The following INPP5A variants were observed in gnomAD, a reference collection of about 807,000 sequenced individuals.
INPP5A encodes inositol polyphosphate-5-phosphatase A.
INPP5A carries 14 observed loss-of-function variants against 65.2 expected under a neutral mutation model. The ratio of observed to expected loss-of-function variants is 0.21; its 90% CI spans 0.14 to 0.34. INPP5A has a LOEUF of 0.34. Among genes scored for constraint, INPP5A ranks in the 10% least tolerant of loss-of-function variants. The pLI is 1.00. For synonymous variants in INPP5A, 207 were observed against 208.3 expected, an observed-to-expected ratio of 0.99 and a Z score of 0.05; for missense variants, 431 against 545.6, an observed-to-expected ratio of 0.79 and a Z score of 2.09.
intron 12 of INPP5A, among the ~76,000 whole-genome samples, chr10:132,775,824 CT>C (rs1300707896): frequency 6.6e-6 from 1 of 152,208 alleles, no homozygotes; most frequent in Non-Finnish European, 1.5e-5. Context: ...CTGCCACGCC[CT>C]GGCTTCTCTC....
In INPP5A at chr10:132,765,852, G is replaced by C; in HGVS notation, c.977+6G>C. The C allele has an allele frequency of 6.3e-7, 1 of 1,578,536 alleles. No homozygotes were observed. On this transcript the variant is annotated splice_donor_region_variant and intron_variant, in intron 12 of 15. Transcript: ENST00000368594. ...GACATCTCGTTCCCTCCCAGGTATG[G>C]AACATGCTGTTTGCTGGATGAACCC... is the stretch of plus-strand genomic sequence containing the variant.
intron 4 of INPP5A, among the ~76,000 whole-genome samples, chr10:132,685,020 C>T (rs2073096527): frequency 6.6e-6 from 1 of 152,126 alleles, no homozygotes; most frequent in Non-Finnish European, 1.5e-5. Context: ...CCAACAATAT[C>T]TTATGAAGTT....
chr10:132,662,176 C>T (rs542050582), intron 4 of INPP5A, among the ~76,000 whole-genome samples: 55 of 152,202 alleles, frequency 3.6e-4, no homozygotes, highest in Middle Eastern at 6.8e-3. Flanking sequence ...GCTGGGGAGG[C>T]GGTGGTAGCA....
Position 132,674,142 on chromosome 10 carries a change from G to A in INPP5A, c.307-16250G>A, listed in dbSNP as rs1050815011. ...CACCCATTGGTGAGCACTCACATGC[G>A]ATACAAATATCTTCACAAATTTTGA... On this transcript the variant is annotated intron_variant, in intron 4 of 15. Transcript: ENST00000368594. This position sits in a 1 kb window ranked among gnomAD's most constrained non-coding sequence, Gnocchi z 4.4. Among the ~76,000 whole-genome samples the A allele has an allele frequency of 3.9e-5, 6 of 152,202 alleles. No individual in the cohort carries two copies. Among genetic ancestry groups the A allele is most frequent in the African/African-American group, 1.2e-4 (5 of 41,444 alleles).
chr10:132,776,185 C>A (rs1345117537), intron 12 of INPP5A, among the ~76,000 whole-genome samples: 1 of 152,218 alleles, frequency 6.6e-6, no homozygotes, highest in Non-Finnish European at 1.5e-5. Flanking sequence ...TGCAGCTGTT[C>A]TCTGCTCTGT....
chr10:132,629,980 G>A (rs1590879616), intron 2 of INPP5A, among the ~76,000 whole-genome samples: 1 of 152,132 alleles, frequency 6.6e-6, no homozygotes, highest in African/African-American at 2.4e-5. Flanking sequence ...GTTCTTGAGG[G>A]AACGTCATCC....
intron 6 of INPP5A, 141 bp from the exon 7 acceptor site, chr10:132,708,172 T>C (rs1188345356): frequency 5.7e-6 from 4 of 702,210 alleles, no homozygotes; most frequent in South Asian, 5.3e-5. Context: ...CGGTTCTCTT[T>C]AGTGGGGCGG....
Position 132,762,675 on chromosome 10 carries a change from G to A in INPP5A, c.904-3098G>A, listed in dbSNP as rs527990687. On this transcript the variant is annotated intron_variant, in intron 11 of 15. Coordinates refer to ENST00000368594, the MANE Select transcript of INPP5A (RefSeq NM_005539.5). The surrounding 1 kb of genome is among the most constrained non-coding windows in gnomAD (Gnocchi z 4.6). ...AGCTTAAAAACATGTAGGCTGAGGCGAGCTGCTTTTTGTGGACTCATGCAT... is the reference window on the plus strand; with the variant it reads ...AGCTTAAAAACATGTAGGCTGAGGCAAGCTGCTTTTTGTGGACTCATGCAT... Among the ~76,000 whole-genome samples, 6 of 151,724 alleles carry A rather than the reference G, an allele frequency of 4.0e-5. No homozygotes were observed. The highest frequency in any genetic ancestry group is 5.9e-5 in the Non-Finnish European group (4 of 68,012).
intron 3 of INPP5A, among the ~76,000 whole-genome samples, chr10:132,647,472 A>G (rs73383162): frequency 0.027 from 4,096 of 152,252 alleles, 78 homozygotes; most frequent in African/African-American, 0.046. Context: ...ACACTCAACA[A>G]ACTAATACTA....
rs139294381 is a variant in INPP5A at position 132,693,068 on chromosome 10, G to A, written c.370+2613G>A. Among the ~76,000 whole-genome samples the A allele has an allele frequency of 7.8e-4, 118 of 152,224 alleles. 1 individual carries two copies. The highest frequency in any genetic ancestry group is 1.4e-3 in the African/African-American group (58 of 41,530). ...TCTGTTATAAGAAACCTGTACTATC[G>A]TTTTAAGGAATATAGTATTATTTAA... On this transcript the variant is annotated intron_variant, in intron 5 of 15. Transcript: ENST00000368594.
At chr10:132,564,241 C>T (rs910221648) in intron 1 of INPP5A, among the ~76,000 whole-genome samples, 1 of 152,066 alleles carries the variant, frequency 6.6e-6, no homozygotes, top group Admixed American at 6.5e-5. Flanking sequence ...ATGATTGGTC[C>T]CTGGGGTGAC....
rs576334906 is a variant in INPP5A, at chr10:132,555,549, C to T, written c.75+17378C>T. The stretch of plus-strand genomic sequence containing the variant: ...AAGTGCACGGGGTGACCAGGAGCCT[C>T]TGGACAGTGGGGCCGTCCTGACTCG... On this transcript the variant is annotated intron_variant, in intron 1 of 15. Coordinates refer to ENST00000368594, the MANE Select transcript of INPP5A (RefSeq NM_005539.5). The surrounding 1 kb of genome is among the most constrained non-coding windows in gnomAD (Gnocchi z 4.4). 6.6e-6 allele frequency among the ~76,000 whole-genome samples: 1 copy of T among 152,224 alleles called. No homozygotes were observed. The highest frequency in any genetic ancestry group is 6.5e-5 in the Admixed American group (1 of 15,300).
intron 13 of INPP5A, among the ~76,000 whole-genome samples, chr10:132,780,311 GCA>G (rs1344444458): frequency 1.6e-4 from 25 of 152,384 alleles, no homozygotes; most frequent in African/African-American, 5.8e-4. Flanking sequence ...GAATTACTGT[GCA>G]CAGATTGCTT....
intron 1 of INPP5A, among the ~76,000 whole-genome samples, chr10:132,561,058 T>A: frequency 6.7e-6 from 1 of 149,442 alleles, no homozygotes; most frequent in African/African-American, 2.5e-5. Flanking sequence ...AGCACTTTTT[T>A]TTTTTTTTTT....
At position 132,635,392 on chromosome 10, in the gene INPP5A, T is replaced by C. The variant is rs866591095; in HGVS notation, c.118-10476T>C. ...GCTGTTTGCCTTTTTAAAGATTTTT[T>C]TTTTTTTTTTTTTTTTTTTTTGAGA... is the stretch of plus-strand genomic sequence containing the variant. On this transcript the variant is annotated intron_variant, in intron 2 of 15. Coordinates refer to ENST00000368594, the MANE Select transcript of INPP5A (RefSeq NM_005539.5). Among the ~76,000 whole-genome samples the C allele has an allele frequency of 4.9e-3, 433 of 88,436 alleles. 1 individual carries two copies. The highest frequency in any genetic ancestry group is 7.4e-3 in the Non-Finnish European group (327 of 43,938). 58.0% of individuals were successfully genotyped at this position (88,436 alleles called of 152,430 possible).
chr10:132,659,964 G>A lies in INPP5A; in HGVS notation c.306+9459G>A, dbSNP rs1823111365. Reference sequence around the variant, plus strand: ...ACATGACACGCGGCATACTCCCTGTGACATGGCACATGACACGTGACACAA... The same window carrying A: ...ACATGACACGCGGCATACTCCCTGTAACATGGCACATGACACGTGACACAA... On this transcript the variant is annotated intron_variant, in intron 4 of 15. Transcript: ENST00000368594. This position sits in a 1 kb window ranked among gnomAD's most constrained non-coding sequence, Gnocchi z 5.5. Among the ~76,000 whole-genome samples the A allele has an allele frequency of 6.6e-6, 1 of 152,242 alleles. No individual in the cohort carries two copies. Among genetic ancestry groups the A allele is most frequent in the Non-Finnish European group, 1.5e-5 (1 of 68,036 alleles).
rs149041212 is a variant in INPP5A, at chr10:132,606,806, G to A, written c.76-1109G>A. Among the ~76,000 whole-genome samples, 303 of 152,334 alleles carry A rather than the reference G, an allele frequency of 2.0e-3. 1 individual carries two copies. The highest frequency in any genetic ancestry group is 7.0e-3 in the African/African-American group (292 of 41,580). ...CAGGGGCTTTAGTCCCGATGGGAGC[G>A]GGGGCAGGGCCTTGTTTATTGTTTT... On this transcript the variant is annotated intron_variant, in intron 1 of 15. Coordinates refer to ENST00000368594, the MANE Select transcript of INPP5A (RefSeq NM_005539.5).
chr10:132,716,054 C>T (rs1845733875), intron 8 of INPP5A, among the ~76,000 whole-genome samples: 1 of 152,226 alleles, frequency 6.6e-6, no homozygotes, highest in South Asian at 2.1e-4. Flanking sequence ...TGTGCCTCAG[C>T]TGATCCATGG....
At chr10:132,759,752 C>T (rs549349777) in intron 11 of INPP5A, among the ~76,000 whole-genome samples, 776 of 152,230 alleles carry the variant, frequency 5.1e-3, no homozygotes, top group Middle Eastern at 0.01. Context: ...CAGTGACCCC[C>T]TCACCCTGCA....
Sources: allele counts gnomAD v4.1 joint callset (sites outside exome capture counted in the v4.1 genomes callset), GRCh38; gene constraint gnomAD v4.1.1; non-coding constraint Gnocchi (gnomAD v3.1); transcripts MANE v1.5; gene names NCBI Gene and HGNC (gene_info 2026-07-23, HGNC 2026-07-21).